The following CNTNAP3 variants were observed in gnomAD, a reference collection of about 807,000 sequenced individuals.
The protein encoded by CNTNAP3 is contactin associated protein family member 3, also known as contactin-associated protein-like 3.
A neutral mutation model predicts 92.1 loss-of-function variants in CNTNAP3; 36 were observed. The ratio of observed to expected loss-of-function variants is 0.39; its 90% CI spans 0.30 to 0.52. The LOEUF (loss-of-function observed/expected upper bound fraction) is 0.52. CNTNAP3 is among the 20% of genes least tolerant of loss of function. CNTNAP3 has a pLI of 0.76. For synonymous variants in CNTNAP3, 232 were observed against 422.3 expected, an observed-to-expected ratio of 0.55 and a Z score of 5.53; for missense variants, 534 against 1,069.6, an observed-to-expected ratio of 0.50 and a Z score of 6.98.
intron 11 of CNTNAP3, among the ~76,000 whole-genome samples, chr9:39,142,285 T>C (rs553012666): frequency 6.6e-6 from 1 of 152,264 alleles, no homozygotes; most frequent in South Asian, 2.1e-4. Context: ...GGATGAAAGA[T>C]ACACAGAAGT....
At chr9:39,114,195 G>T (rs1820794023) in intron 14 of CNTNAP3, among the ~76,000 whole-genome samples, 1 of 149,686 alleles carries the variant, frequency 6.7e-6, no homozygotes, top group South Asian at 2.1e-4. Context: ...CCATTCTCCT[G>T]CCTCAGCCTC....
At chr9:39,076,665 A>G (rs1303124924) in intron 23 of CNTNAP3, among the ~76,000 whole-genome samples, 1 of 152,304 alleles carries the variant, frequency 6.6e-6, no homozygotes, top group Non-Finnish European at 1.5e-5. Context: ...GAATAAGAAT[A>G]CAATTAAGAT....
intron 21 of CNTNAP3, 147 bp from the exon 22 acceptor site, chr9:39,079,067 T>G: frequency 1.8e-6 from 2 of 1,098,804 alleles, no homozygotes; most frequent in Non-Finnish European, 2.6e-6. Flanking sequence ...CCAGGAGAGG[T>G]CACCGTGAAT....
At chr9:39,142,192 T>C (rs1821592409) in intron 11 of CNTNAP3, among the ~76,000 whole-genome samples, 1 of 152,208 alleles carries the variant, frequency 6.6e-6, no homozygotes, top group Non-Finnish European at 1.5e-5. Context: ...AATCAGATGA[T>C]GCTGAGTGTG....
chr9:39,071,391 C>A lies in CNTNAP3; in HGVS notation c.*2499G>T, dbSNP rs1050255040. On this transcript the variant is annotated 3_prime_UTR_variant, in exon 24 of 24. Coordinates refer to ENST00000297668, the MANE Select transcript of CNTNAP3 (RefSeq NM_033655.5). ...AAAAATATTGAGATAATACCACTCA[C>A]CAGTGTCACTATTTTACAGAGATAA... Among the ~76,000 whole-genome samples, 1 of 151,518 alleles carries A rather than the reference C, an allele frequency of 6.6e-6. No individual in the cohort carries two copies. The highest frequency in any genetic ancestry group is 1.5e-5 in the Non-Finnish European group (1 of 67,892).
chr9:39,119,176 G>T (rs4961899), intron 13 of CNTNAP3, among the ~76,000 whole-genome samples: 1,921 of 152,206 alleles, frequency 0.013, 50 homozygotes, highest in African/African-American at 0.044. Context: ...GTTTTTTAAA[G>T]ATGCTTGATC....
chr9:39,114,134 G>A (rs1820791213), intron 14 of CNTNAP3, among the ~76,000 whole-genome samples: 1 of 147,992 alleles, frequency 6.8e-6, no homozygotes, highest in East Asian at 2.0e-4. Flanking sequence ...CCAGGCTGGA[G>A]TGCAGTGGTG....
At position 39,071,364 on chromosome 9, in the gene CNTNAP3, A is replaced by T. The variant is rs1405077666; in HGVS notation, c.*2526T>A. Reference sequence around the variant, plus strand: ...CAGTGATTTCCTAAGGTGAATTTGGACAAAAATATTGAGATAATACCACTC... The same window carrying T: ...CAGTGATTTCCTAAGGTGAATTTGGTCAAAAATATTGAGATAATACCACTC... On this transcript the variant is annotated 3_prime_UTR_variant, in exon 24 of 24. Coordinates refer to ENST00000297668, the MANE Select transcript of CNTNAP3 (RefSeq NM_033655.5). Among the ~76,000 whole-genome samples the T allele has an allele frequency of 6.6e-6, 1 of 151,588 alleles. No homozygotes were observed. Among genetic ancestry groups the T allele is most frequent in the Admixed American group, 6.6e-5 (1 of 15,202 alleles).
At chr9:39,123,220 G>A (rs980041900) in intron 13 of CNTNAP3, among the ~76,000 whole-genome samples, 66 of 150,144 alleles carry the variant, frequency 4.4e-4, no homozygotes, top group Non-Finnish European at 6.6e-4. Context: ...TCAGCCTCCC[G>A]AGTAGCTGGG....
intron 13 of CNTNAP3, among the ~76,000 whole-genome samples, chr9:39,127,319 A>G (rs1337379873): frequency 2.0e-5 from 3 of 152,058 alleles, no homozygotes; most frequent in Non-Finnish European, 4.4e-5. Context: ...CTAAATGCCT[A>G]CATTAGGAAA....
At chr9:39,139,028 T>A (rs545451516) in intron 12 of CNTNAP3, among the ~76,000 whole-genome samples, 1 of 152,270 alleles carries the variant, frequency 6.6e-6, no homozygotes, top group Admixed American at 6.5e-5. Flanking sequence ...GCTATTAGAG[T>A]AGTTTGAAAT....
chr9:39,253,016 C>T (rs185943998), intron 2 of CNTNAP3, among the ~76,000 whole-genome samples: 219 of 4,112 alleles, frequency 0.053, 44 homozygotes, highest in Admixed American at 0.06. Flanking sequence ...ACTGAATATA[C>T]ACACACACAC....
At chr9:39,149,357 T>G (rs529977202) in intron 10 of CNTNAP3, among the ~76,000 whole-genome samples, 3 of 139,426 alleles carry the variant, frequency 2.2e-5, no homozygotes, top group Non-Finnish European at 4.7e-5. Flanking sequence ...TTTGTTTTTG[T>G]TTTTTTTTTT....
intron 10 of CNTNAP3, among the ~76,000 whole-genome samples, chr9:39,149,519 T>TTC (rs1821788781): frequency 6.6e-6 from 1 of 150,860 alleles, no homozygotes; most frequent in East Asian, 2.0e-4. Flanking sequence ...CTGGCTAATT[T>TTC]TTTTTTTTTT....
chr9:39,134,140 G>A (rs536541804), intron 12 of CNTNAP3, among the ~76,000 whole-genome samples: 6 of 152,100 alleles, frequency 3.9e-5, no homozygotes, highest in East Asian at 3.9e-4. Context: ...ACTTACACAC[G>A]CCTAACAACA....
At chr9:39,097,669 T>A (rs1826357954) in intron 18 of CNTNAP3, among the ~76,000 whole-genome samples, 1 of 149,330 alleles carries the variant, frequency 6.7e-6, no homozygotes, top group Admixed American at 6.6e-5. Context: ...ATCTCTGGAG[T>A]AGGACCTGGG....
intron 13 of CNTNAP3, among the ~76,000 whole-genome samples, chr9:39,122,473 A>G (rs1454450793): frequency 6.6e-6 from 1 of 152,254 alleles, no homozygotes; most frequent in Non-Finnish European, 1.5e-5. Flanking sequence ...GAGATTAAAA[A>G]TGAAAGAGCT....
At chr9:39,161,656 CAAT>C (rs4062749) in intron 9 of CNTNAP3, among the ~76,000 whole-genome samples, 21,602 of 124,234 alleles carry the variant, frequency 0.17, 2,405 homozygotes, top group African/African-American at 0.26. Context: ...TCTCTACAAA[CAAT>C]AATAATAATA....
intron 18 of CNTNAP3, among the ~76,000 whole-genome samples, chr9:39,090,885 TG>T (rs1826181012): frequency 6.7e-6 from 1 of 150,328 alleles, no homozygotes; most frequent in East Asian, 1.9e-4. Flanking sequence ...TAGTTTTCAG[TG>T]TGTTTTCCAT....
Sources: gnomAD v4.1 joint callset for allele counts (sites outside exome capture counted in the v4.1 genomes callset) on GRCh38, gnomAD v4.1.1 for gene constraint, MANE v1.5 for transcripts, NCBI Gene and HGNC (gene_info 2026-07-23, HGNC 2026-07-21) for gene names.